DGKG: variants seen among roughly 807,000 people sequenced by gnomAD.
DGKG encodes the protein diacylglycerol kinase gamma.
DGKG carries 78 observed loss-of-function variants against 105.3 expected under a neutral mutation model. The observed-to-expected ratio is 0.74, with a 90% CI of 0.62 to 0.89. The LOEUF (loss-of-function observed/expected upper bound fraction) is 0.89. Ranked by LOEUF, DGKG falls within the 40% of genes least tolerant of loss-of-function variation. The pLI, the probability that DGKG is intolerant of heterozygous loss-of-function variation, is 0.00. For missense variants in DGKG, 958 were observed against 1,020.1 expected (o/e 0.94, Z 0.83); for synonymous variants, 346 against 367.1 (o/e 0.94, Z 0.66).
chr3:186,182,091 C>T (rs1015455930), intron 22 of DGKG, among the ~76,000 whole-genome samples: 3 of 152,226 alleles, frequency 2.0e-5, no homozygotes, highest in Admixed American at 2.0e-4. Context: ...TGGGCACCCT[C>T]CCCCTCCCCT....
At chr3:186,213,926 T>C (rs2108522578) in intron 20 of DGKG, among the ~76,000 whole-genome samples, 1 of 152,306 alleles carries the variant, frequency 6.6e-6, no homozygotes, top group South Asian at 2.1e-4. Flanking sequence ...GGCAAAAGAC[T>C]AAGTAACAGG....
chr3:186,169,094 C>A (rs1716695084), intron 22 of DGKG, among the ~76,000 whole-genome samples: 1 of 152,110 alleles, frequency 6.6e-6, no homozygotes, highest in Non-Finnish European at 1.5e-5. Flanking sequence ...ATCTCCCTAC[C>A]CCCATTTCTT....
intron 20 of DGKG, among the ~76,000 whole-genome samples, chr3:186,241,941 G>A (rs1720706146): frequency 6.6e-6 from 1 of 152,168 alleles, no homozygotes; most frequent in South Asian, 2.1e-4. Context: ...TGCCCAGGCT[G>A]AGGCTGGGAC....
chr3:186,326,319 G>C (rs1270105838), intron 1 of DGKG, among the ~76,000 whole-genome samples: 2 of 152,002 alleles, frequency 1.3e-5, no homozygotes, highest in Non-Finnish European at 2.9e-5. Flanking sequence ...TCGAACCTGG[G>C]AGGTGGGGGT....
At chr3:186,343,903 G>A (rs914451708) in intron 1 of DGKG, among the ~76,000 whole-genome samples, 5 of 151,990 alleles carry the variant, frequency 3.3e-5, no homozygotes, top group African/African-American at 1.2e-4. Context: ...CTCAATACCA[G>A]CAAAACAATA....
At chr3:186,285,747 T>C (rs1481184775) in intron 6 of DGKG, among the ~76,000 whole-genome samples, 1 of 151,364 alleles carries the variant, frequency 6.6e-6, no homozygotes, top group African/African-American at 2.4e-5. Context: ...TGGCGCCATC[T>C]TGGCTCACTG....
intron 1 of DGKG, among the ~76,000 whole-genome samples, chr3:186,326,788 T>C (rs189620668): frequency 6.6e-6 from 1 of 152,358 alleles, no homozygotes; most frequent in South Asian, 2.1e-4. Flanking sequence ...AGTTTCTGTT[T>C]GTATTTCATT....
chr3:186,274,539 C>A (rs1198289666), intron 10 of DGKG, among the ~76,000 whole-genome samples: 1 of 98,714 alleles, frequency 1.0e-5, no homozygotes, highest in Non-Finnish European at 1.9e-5. Context: ...CCTCCCCCCT[C>A]CCCCCACCCC....
At chr3:186,281,798 C>G (rs1722841628) in intron 7 of DGKG, among the ~76,000 whole-genome samples, 1 of 152,018 alleles carries the variant, frequency 6.6e-6, no homozygotes, top group Admixed American at 6.6e-5. Context: ...TTTCAGGAAC[C>G]AAGAATTGGA....
intron 20 of DGKG, among the ~76,000 whole-genome samples, chr3:186,219,338 G>A (rs1719454519): frequency 6.6e-6 from 1 of 152,120 alleles, no homozygotes; most frequent in Non-Finnish European, 1.5e-5. Flanking sequence ...CACGCTGCAT[G>A]CTGTCCCCAG....
chr3:186,251,689 A>T, intron 19 of DGKG, 70 bp downstream of exon 19: 1 of 1,576,128 alleles, frequency 6.3e-7, no homozygotes, highest in Non-Finnish European at 8.7e-7. Context: ...CCCAGAGGGG[A>T]CAACAGAAGG....
intron 21 of DGKG, among the ~76,000 whole-genome samples, chr3:186,205,427 G>T (rs1718680598): frequency 6.6e-6 from 1 of 151,396 alleles, no homozygotes. Context: ...ATAGTTGAAG[G>T]CGCCAGGCGC....
intron 1 of DGKG, among the ~76,000 whole-genome samples, chr3:186,342,584 C>A (rs957000188): frequency 1.3e-5 from 2 of 151,742 alleles, no homozygotes; most frequent in African/African-American, 4.8e-5. Flanking sequence ...TGTTTTATTT[C>A]TGTTTTTTTT....
chr3:186,272,151 A>C (rs1203105834), intron 11 of DGKG, 104 bp downstream of exon 11: 1 of 844,410 alleles, frequency 1.2e-6, no homozygotes. Flanking sequence ...CAGAGAAGGG[A>C]CTGGATGAAG....
At chr3:186,161,297 G>C (rs1354287371) in intron 24 of DGKG, 3 of 1,156,264 alleles carry the variant, frequency 2.6e-6, no homozygotes, top group South Asian at 2.5e-5. Context: ...TCAAGCTGAG[G>C]CTGTCCAGGA....
chr3:186,155,082 T>C (rs1008966111), intron 24 of DGKG, among the ~76,000 whole-genome samples: 1 of 152,312 alleles, frequency 6.6e-6, no homozygotes, highest in Non-Finnish European at 1.5e-5. Context: ...CATCTTACAG[T>C]GTAATAATAA....
intron 14 of DGKG, 139 bp from the exon 15 acceptor site, chr3:186,261,917 A>G: frequency 1.7e-6 from 1 of 592,810 alleles, no homozygotes; most frequent in Non-Finnish European, 3.0e-6. Flanking sequence ...CACTGGCTGA[A>G]TTTTCGGAGG....
intron 22 of DGKG, 70 bp downstream of exon 22, chr3:186,188,132 G>T: frequency 6.4e-7 from 1 of 1,566,808 alleles, no homozygotes. Context: ...TACGAGGCCT[G>T]CTGACATCCA....
intron 20 of DGKG, among the ~76,000 whole-genome samples, chr3:186,229,473 G>A (rs1204524675): frequency 1.3e-5 from 2 of 152,118 alleles, no homozygotes; most frequent in South Asian, 2.1e-4. Context: ...TTGAACACCT[G>A]ACCTCAAGTG....
Sources: gnomAD v4.1 joint callset for allele counts (sites outside exome capture counted in the v4.1 genomes callset) on GRCh38, gnomAD v4.1.1 for gene constraint, MANE v1.5 for transcripts, NCBI Gene and HGNC (gene_info 2026-07-23, HGNC 2026-07-21) for gene names.